SORCS2: variants seen among roughly 807,000 people sequenced by gnomAD.
The protein encoded by SORCS2 is VPS10 domain-containing receptor SorCS2.
A neutral mutation model predicts 141.6 loss-of-function variants in SORCS2; 100 were observed. The ratio of observed to expected loss-of-function variants is 0.71; its 90% CI spans 0.60 to 0.83. The LOEUF is 0.83. Ranked by LOEUF, SORCS2 falls within the 40% of genes least tolerant of loss-of-function variation. The pLI is 0.00. For synonymous variants in SORCS2, 789 were observed against 676.9 expected (o/e 1.17, Z -2.57); for missense variants, 1,646 against 1,560.2 (o/e 1.05, Z -0.93).
intron 1 of SORCS2, among the ~76,000 whole-genome samples, chr4:7,230,394 G>T (rs1285303075): frequency 8.9e-6 from 1 of 112,306 alleles, no homozygotes; most frequent in Non-Finnish European, 1.8e-5. Flanking sequence ...AAGTCTTTGA[G>T]TCTCTGGGCC....
At chr4:7,291,761 C>A (rs1716618254) in intron 1 of SORCS2, among the ~76,000 whole-genome samples, 1 of 152,146 alleles carries the variant, frequency 6.6e-6, no homozygotes, top group South Asian at 2.1e-4. Flanking sequence ...CCTCCCTGCT[C>A]CCTTGTGATT....
At chr4:7,726,418 C>G (rs983057784) in intron 20 of SORCS2, among the ~76,000 whole-genome samples, 10 of 152,056 alleles carry the variant, frequency 6.6e-5, no homozygotes, top group Admixed American at 5.9e-4. Flanking sequence ...ACTAAAAATA[C>G]AAAAATTAGC....
At chr4:7,295,999 G>A (rs1717024091) in intron 1 of SORCS2, among the ~76,000 whole-genome samples, 1 of 152,236 alleles carries the variant, frequency 6.6e-6, no homozygotes, top group Non-Finnish European at 1.5e-5. Flanking sequence ...GCAGAGCCCT[G>A]TGGGAGCTGC....
In SORCS2 at chr4:7,505,770, CTG is replaced by C. The variant is rs1336529574; in HGVS notation, c.549-25757_549-25756del. Among the ~76,000 whole-genome samples the C allele has an allele frequency of 3.9e-5, 6 of 152,178 alleles. No individual in the cohort carries two copies. In the East Asian group the frequency reaches 9.6e-4, roughly 24 times the overall value. ...AGCCTGGCCCTTCCTCTTCCTGACTCTGTGACCTTCGAGAGTGATGAACTCCA... is the reference window on the plus strand; with the variant it reads ...AGCCTGGCCCTTCCTCTTCCTGACTCTGACCTTCGAGAGTGATGAACTCCA... On this transcript the variant is annotated intron_variant, in intron 2 of 26. Transcript: ENST00000507866.
intron 1 of SORCS2, among the ~76,000 whole-genome samples, chr4:7,306,565 A>G (rs1302389664): frequency 6.6e-6 from 1 of 152,074 alleles, no homozygotes; most frequent in African/African-American, 2.4e-5. Context: ...TCTAAGCGAC[A>G]CTCTAAGGAA....
At chr4:7,510,918 C>T (rs1413631312) in intron 2 of SORCS2, among the ~76,000 whole-genome samples, 4 of 152,176 alleles carry the variant, frequency 2.6e-5, no homozygotes, top group African/African-American at 7.2e-5. Context: ...CTGACTGTCC[C>T]GTAGTGGGCA....
At position 7,192,670 on chromosome 4, in the gene SORCS2, C is replaced by T; in HGVS notation, c.24C>T (p.Arg8=). MAHRGPS[R]ASKGPGPTAR... ...CCATGGCGCACCGGGGGCCCTCGCG[C>T]GCCTCGAAGGGCCCCGGCCCCACCG... Residue 8 remains arginine (R), a synonymous_variant, in exon 1 of 27, where the codon CGC becomes CGT. Coordinates refer to ENST00000507866, the MANE Select transcript of SORCS2 (RefSeq NM_020777.3). The surrounding 1 kb of genome is among the most constrained non-coding windows in gnomAD (Gnocchi z 4.0). 4 of 987,744 alleles carry T rather than the reference C, an allele frequency of 4.0e-6. No individual in the cohort carries two copies. Among genetic ancestry groups the T allele is most frequent in the Non-Finnish European group, 4.8e-6 (4 of 832,760 alleles). The allele number at this position is 987,744 out of a possible 1,614,324, so 61.2% of individuals were successfully genotyped here. A position where few individuals can be genotyped will look rare whatever the true frequency, so the allele number is the denominator to read the frequency against.
At chr4:7,232,486 G>A (rs1711963290) in intron 1 of SORCS2, among the ~76,000 whole-genome samples, 1 of 152,180 alleles carries the variant, frequency 6.6e-6, no homozygotes, top group African/African-American at 2.4e-5. Flanking sequence ...CAGGATGGCG[G>A]ATTTATTCTT....
intron 11 of SORCS2, among the ~76,000 whole-genome samples, chr4:7,695,301 T>TG (rs1273336595): frequency 1.4e-4 from 5 of 35,074 alleles, no homozygotes; most frequent in Non-Finnish European, 1.7e-4. Context: ...GTTGGATGGG[T>TG]GAGTGAATGG....
intron 1 of SORCS2, among the ~76,000 whole-genome samples, chr4:7,281,246 G>C (rs186939946): frequency 2.6e-5 from 4 of 152,204 alleles, no homozygotes; most frequent in African/African-American, 9.6e-5. Flanking sequence ...CTTGAGAAGA[G>C]GCTGCTGTTT....
chr4:7,424,025 G>A (rs1313860677), intron 2 of SORCS2, among the ~76,000 whole-genome samples: 2 of 152,212 alleles, frequency 1.3e-5, no homozygotes, highest in Admixed American at 6.5e-5. Context: ...TGGCATCCGT[G>A]GGTCTGTGCA....
At chr4:7,616,532 C>T (rs779422022) in intron 3 of SORCS2, among the ~76,000 whole-genome samples, 2 of 152,164 alleles carry the variant, frequency 1.3e-5, no homozygotes, top group East Asian at 1.9e-4. Flanking sequence ...CAGACACCCA[C>T]CACCCTCAAG....
intron 3 of SORCS2, among the ~76,000 whole-genome samples, chr4:7,598,032 G>A (rs189974185): frequency 0.012 from 1,754 of 147,974 alleles, 51 homozygotes; most frequent in African/African-American, 0.042. Context: ...GCAATGGCAC[G>A]ATCTTGGCTC....
chr4:7,693,095 C>T (rs1185812354), intron 11 of SORCS2, among the ~76,000 whole-genome samples: 2 of 152,190 alleles, frequency 1.3e-5, no homozygotes, highest in Admixed American at 1.3e-4. Context: ...CCCGACTGGG[C>T]GTGTTGCAGG....
At chr4:7,524,339 C>T (rs1560354763) in intron 2 of SORCS2, among the ~76,000 whole-genome samples, 1 of 152,100 alleles carries the variant, frequency 6.6e-6, no homozygotes, top group South Asian at 2.1e-4. Flanking sequence ...CTGGAGCCTC[C>T]AGAGGGAGCT....
Position 7,712,866 on chromosome 4 carries a change from G to A in SORCS2, c.1989+13G>A. Reference sequence around the variant, plus strand: ...CTCCAACCTGCAGGTGGGCCGGCATGAGGCTGGGATCGGGCAGGTGGGGTA... The same window carrying A: ...CTCCAACCTGCAGGTGGGCCGGCATAAGGCTGGGATCGGGCAGGTGGGGTA... On this transcript the variant is annotated intron_variant, in intron 15 of 26. Transcript: ENST00000507866. The A allele has an allele frequency of 1.2e-6, 2 of 1,613,448 alleles. No homozygotes were observed. The highest frequency in any genetic ancestry group is 1.7e-6 in the Non-Finnish European group (2 of 1,179,830).
chr4:7,420,033 C>T (rs1411218452), intron 2 of SORCS2, among the ~76,000 whole-genome samples: 4 of 152,214 alleles, frequency 2.6e-5, no homozygotes, highest in Non-Finnish European at 4.4e-5. Context: ...TAAGAGTCCT[C>T]CAGTCTAGCA....
chr4:7,319,514 G>A (rs941668210), intron 1 of SORCS2, among the ~76,000 whole-genome samples: 3 of 152,000 alleles, frequency 2.0e-5, no homozygotes, highest in Non-Finnish European at 2.9e-5. Flanking sequence ...AGACCAGTCT[G>A]GACAACATAG....
rs1034694595 is a variant in SORCS2 at position 7,732,480 on chromosome 4, C to T, written c.3109-842C>T. ...AGACCCTGGAGGAGGATGCCCGTGG[C>T]CCACAAGGCTGGCTGCCTTTTGGCC... is the stretch of plus-strand genomic sequence containing the variant. On this transcript the variant is annotated intron_variant, in intron 23 of 26. Coordinates refer to ENST00000507866, the MANE Select transcript of SORCS2 (RefSeq NM_020777.3). Among the ~76,000 whole-genome samples, 26 of 152,204 alleles carry T rather than the reference C, an allele frequency of 1.7e-4. 1 individual carries two copies. The highest frequency in any genetic ancestry group is 5.3e-4 in the African/African-American group (22 of 41,446).
Sources: allele counts gnomAD v4.1 joint callset (sites outside exome capture counted in the v4.1 genomes callset), GRCh38; gene constraint gnomAD v4.1.1; non-coding constraint Gnocchi (gnomAD v3.1); transcripts MANE v1.5; gene names NCBI Gene and HGNC (gene_info 2026-07-23, HGNC 2026-07-21).